Variants in ABI3BP observed in about 807,000 individuals in gnomAD.
ABI3BP encodes the protein ABI family member 3 binding protein, also known as target of Nesh-SH3.
In ABI3BP, 216 loss-of-function variants were observed where a neutral mutation model predicts 268.6. That is an observed-to-expected ratio of 0.80 (90% CI 0.72 to 0.90). The LOEUF (loss-of-function observed/expected upper bound fraction) is 0.90, where lower values mean the gene tolerates loss of function less well. ABI3BP is among the 40% of genes least tolerant of loss of function. The probability of loss-of-function intolerance (pLI) is 0.00; values close to 1 mark genes in which losing one functional copy is unlikely to be tolerated. For missense variants in ABI3BP, 2,090 were observed against 2,182.4 expected, an observed-to-expected ratio of 0.96 and a Z score of 0.84; for synonymous variants, 730 against 730.0, an observed-to-expected ratio of 1.00 and a Z score of 0.00.
At chr3:100,771,827 C>T (rs931791463) in intron 61 of ABI3BP, among the ~76,000 whole-genome samples, 1 of 151,762 alleles carries the variant, frequency 6.6e-6, no homozygotes, top group East Asian at 1.9e-4. Flanking sequence ...AGCGGGTGAG[C>T]AGAAAAAAAT....
At chr3:100,981,017 C>A (rs1404535988) in intron 1 of ABI3BP, among the ~76,000 whole-genome samples, 2 of 152,124 alleles carry the variant, frequency 1.3e-5, no homozygotes, top group African/African-American at 2.4e-5. Context: ...TTGTTGCCAC[C>A]CTTCGAGGGA....
chr3:100,771,543 C>T (rs1164247629), intron 61 of ABI3BP, among the ~76,000 whole-genome samples: 1 of 152,044 alleles, frequency 6.6e-6, no homozygotes, highest in Non-Finnish European at 1.5e-5. Context: ...CTATAATCCA[C>T]ATATTCAAAA....
intron 57 of ABI3BP, among the ~76,000 whole-genome samples, chr3:100,787,284 G>T (rs751863383): frequency 1.3e-5 from 2 of 152,072 alleles, no homozygotes; most frequent in Non-Finnish European, 2.9e-5. Flanking sequence ...TTAAATATTT[G>T]TTGTTTAAAT....
intron 62 of ABI3BP, among the ~76,000 whole-genome samples, chr3:100,766,319 T>C (rs74988342): frequency 0.021 from 3,135 of 152,284 alleles, 112 homozygotes; most frequent in African/African-American, 0.071. Flanking sequence ...GAAAGCACTG[T>C]AGGAGGAGTG....
intron 61 of ABI3BP, among the ~76,000 whole-genome samples, chr3:100,772,625 G>T (rs967607021): frequency 7.2e-5 from 11 of 151,900 alleles, no homozygotes; most frequent in African/African-American, 2.4e-4. Flanking sequence ...CAACAAAAAA[G>T]ATTAAATGAA....
chr3:100,900,518 A>G (rs2049811954), intron 3 of ABI3BP, among the ~76,000 whole-genome samples: 2 of 152,244 alleles, frequency 1.3e-5, no homozygotes, highest in South Asian at 4.1e-4. Context: ...CTCTCTATGT[A>G]TAAAAATAAT....
At chr3:100,911,551 T>C (rs2056492354) in intron 2 of ABI3BP, 1 of 600,804 alleles carries the variant, frequency 1.7e-6, no homozygotes, top group African/African-American at 1.8e-5. Context: ...ACATATTTTA[T>C]CTTATGTACC....
chr3:100,754,283 C>T (rs1402872264), intron 64 of ABI3BP, among the ~76,000 whole-genome samples: 1 of 152,186 alleles, frequency 6.6e-6, no homozygotes, highest in Non-Finnish European at 1.5e-5. Flanking sequence ...GGAAGTTTGA[C>T]AGCTGTTATT....
rs1384390778 is a variant in ABI3BP, at chr3:100,778,338, G to T, written c.4279C>A (p.Pro1427Thr). ...TTTGGTGGTAAAGGTTTTCTTCGTGGGTGTGTAGGTCTGGGTGGCAAGGGT... is the reference window on the plus strand; with the variant it reads ...TTTGGTGGTAAAGGTTTTCTTCGTGTGTGTGTAGGTCTGGGTGGCAAGGGT... Reference protein sequence around the residue: ...RPPLPPRPTHPRRKPLPPNNV... With the variant: ...RPPLPPRPTHTRRKPLPPNNV... Residue 1427 changes from proline (P) to threonine (T), a missense_variant, in exon 59 of 68, where the codon CCA becomes ACA. Physicochemically the swap from Pro to Thr is conservative, Grantham distance 38. Transcript: ENST00000471714. 5 of 1,613,762 alleles carry T rather than the reference G, an allele frequency of 3.1e-6. No individual in the cohort carries two copies. The highest frequency in any genetic ancestry group is 4.2e-6 in the Non-Finnish European group (5 of 1,179,802).
intron 2 of ABI3BP, among the ~76,000 whole-genome samples, chr3:100,918,597 G>A (rs938064472): frequency 2.0e-5 from 3 of 152,050 alleles, no homozygotes; most frequent in Non-Finnish European, 1.5e-5. Context: ...AAATGGCCTT[G>A]TGTACAGTAG....
chr3:100,844,878 A>C (rs2098749771), intron 20 of ABI3BP, among the ~76,000 whole-genome samples: 1 of 152,228 alleles, frequency 6.6e-6, no homozygotes, highest in Middle Eastern at 3.2e-3. Context: ...AGGAAATGTC[A>C]AATTAAGAAG....
At chr3:100,909,260 A>C (rs1318766134) in intron 2 of ABI3BP, among the ~76,000 whole-genome samples, 1 of 152,210 alleles carries the variant, frequency 6.6e-6, no homozygotes, top group Non-Finnish European at 1.5e-5. Flanking sequence ...AAATTAACTC[A>C]AGATGGATTA....
intron 1 of ABI3BP, among the ~76,000 whole-genome samples, chr3:100,947,250 A>G (rs2072897227): frequency 6.6e-6 from 1 of 152,148 alleles, no homozygotes; most frequent in East Asian, 1.9e-4. Context: ...GGTGAGAAAA[A>G]GAAAGTCAAA....
At chr3:100,987,578 A>G (rs2092134621) in intron 1 of ABI3BP, among the ~76,000 whole-genome samples, 1 of 152,214 alleles carries the variant, frequency 6.6e-6, no homozygotes, top group Non-Finnish European at 1.5e-5. Context: ...GTTCTTTTAT[A>G]GCAGGGGCTG....
intron 59 of ABI3BP, among the ~76,000 whole-genome samples, chr3:100,777,248 C>T (rs528737358): frequency 2.0e-5 from 3 of 152,272 alleles, no homozygotes; most frequent in East Asian, 1.9e-4. Flanking sequence ...ACTCTTATCC[C>T]GATTCCACCT....
chr3:100,798,538 AT>A (rs2152284937), intron 51 of ABI3BP, among the ~76,000 whole-genome samples: 1 of 151,880 alleles, frequency 6.6e-6, no homozygotes, highest in East Asian at 1.9e-4. Context: ...AGCAGTTTTG[AT>A]TTCTTTATAA....
chr3:100,785,920 TTC>T (rs1239300403), intron 57 of ABI3BP, among the ~76,000 whole-genome samples: 1 of 152,214 alleles, frequency 6.6e-6, no homozygotes, highest in Non-Finnish European at 1.5e-5. Context: ...TTCTTCTTTA[TTC>T]TGTTACATGG....
chr3:100,845,081 T>C (rs1473292873), intron 20 of ABI3BP, among the ~76,000 whole-genome samples: 1 of 152,198 alleles, frequency 6.6e-6, no homozygotes, highest in African/African-American at 2.4e-5. Flanking sequence ...CAGAAATAAT[T>C]CATTTGAGAG....
intron 49 of ABI3BP, among the ~76,000 whole-genome samples, chr3:100,808,942 G>A (rs2097780433): frequency 6.6e-6 from 1 of 152,032 alleles, no homozygotes; most frequent in African/African-American, 2.4e-5. Flanking sequence ...GAACTAAAAC[G>A]TGTTTGGGAT....
Sources: allele counts gnomAD v4.1 joint callset (sites outside exome capture counted in the v4.1 genomes callset), GRCh38; gene constraint gnomAD v4.1.1; transcripts MANE v1.5; gene names NCBI Gene and HGNC (gene_info 2026-07-23, HGNC 2026-07-21).